The following MAGI2 variants were observed in gnomAD, a reference collection of about 807,000 sequenced individuals.
The protein encoded by MAGI2 is membrane-associated guanylate kinase, WW and PDZ domain-containing protein 2.
MAGI2 carries 35 observed loss-of-function variants against 133.3 expected under a neutral mutation model. The observed-to-expected ratio is 0.26, with a 90% CI of 0.20 to 0.35. The LOEUF (loss-of-function observed/expected upper bound fraction) is 0.35, where lower values mean the gene tolerates loss of function less well. Among genes scored for constraint, MAGI2 ranks in the 10% least tolerant of loss-of-function variants. The pLI, the probability that MAGI2 is intolerant of heterozygous loss-of-function variation, is 1.00. For synonymous variants in MAGI2, 729 were observed against 710.6 expected, an observed-to-expected ratio of 1.03 and a Z score of -0.41; for missense variants, 1,636 against 1,863.4, an observed-to-expected ratio of 0.88 and a Z score of 2.25.
chr7:78,091,765 A>G (rs1817236437), intron 20 of MAGI2, among the ~76,000 whole-genome samples: 1 of 152,194 alleles, frequency 6.6e-6, no homozygotes, highest in African/African-American at 2.4e-5. Flanking sequence ...CAATAGTAGG[A>G]TTTTACTTGG....
intron 1 of MAGI2, among the ~76,000 whole-genome samples, chr7:79,267,466 A>G (rs1481642763): frequency 1.3e-5 from 2 of 152,188 alleles, no homozygotes; most frequent in Non-Finnish European, 2.9e-5. Context: ...GCTGACTAGA[A>G]AGAGAGGTAG....
intron 1 of MAGI2, among the ~76,000 whole-genome samples, chr7:79,272,579 G>A (rs914718897): frequency 6.6e-6 from 1 of 151,944 alleles, no homozygotes. Flanking sequence ...TAATAATATT[G>A]TTTTCAAAGC....
At chr7:78,099,164 T>C (rs1817980102) in intron 20 of MAGI2, among the ~76,000 whole-genome samples, 1 of 152,186 alleles carries the variant, frequency 6.6e-6, no homozygotes, top group East Asian at 1.9e-4. Context: ...ACTCAAATAT[T>C]TTAATTGTAA....
intron 6 of MAGI2, among the ~76,000 whole-genome samples, chr7:78,409,339 C>T (rs1179099358): frequency 6.6e-6 from 1 of 152,060 alleles, no homozygotes; most frequent in Admixed American, 6.6e-5. Context: ...AGAAATCACT[C>T]TCGTTTTATA....
chr7:78,303,287 G>C (rs968484299), intron 9 of MAGI2, among the ~76,000 whole-genome samples: 1 of 148,152 alleles, frequency 6.7e-6, no homozygotes, highest in South Asian at 2.2e-4. Context: ...GTTGAGACAG[G>C]AGAATCTCTC....
At chr7:78,670,575 A>G (rs1200366220) in intron 2 of MAGI2, among the ~76,000 whole-genome samples, 1 of 152,194 alleles carries the variant, frequency 6.6e-6, no homozygotes. Context: ...ACATTACTTT[A>G]AAGTTCATAT....
intron 1 of MAGI2, among the ~76,000 whole-genome samples, chr7:79,026,840 C>T (rs1384954711): frequency 1.3e-5 from 2 of 149,420 alleles, no homozygotes; most frequent in Non-Finnish European, 3.0e-5. Context: ...GCAATCCAGC[C>T]TGGGAGACAG....
chr7:78,451,416 C>G (rs1268348423), intron 6 of MAGI2, among the ~76,000 whole-genome samples: 1 of 152,074 alleles, frequency 6.6e-6, no homozygotes, highest in African/African-American at 2.4e-5. Context: ...CAGTGTCAGT[C>G]TCCAAAGGGG....
At chr7:78,757,336 T>C (rs939688681) in intron 2 of MAGI2, among the ~76,000 whole-genome samples, 2 of 149,900 alleles carry the variant, frequency 1.3e-5, no homozygotes, top group Non-Finnish European at 3.0e-5. Flanking sequence ...TCCATAATCA[T>C]CAATTTCCTC....
intron 9 of MAGI2, among the ~76,000 whole-genome samples, chr7:78,292,864 G>C (rs984044815): frequency 6.6e-6 from 1 of 152,190 alleles, no homozygotes; most frequent in Non-Finnish European, 1.5e-5. Flanking sequence ...ATGGTGCTGG[G>C]AAAACTGGCT....
At position 78,177,955 on chromosome 7, in the gene MAGI2, G is replaced by A. The variant is rs981987256; in HGVS notation, c.2403+56C>T. On this transcript the variant is annotated intron_variant, in intron 14 of 21. Coordinates refer to ENST00000354212, the MANE Select transcript of MAGI2 (RefSeq NM_012301.4). Reference sequence around the variant, plus strand: ...TATCACACTAAACACTATTTTCCCTGGTGTTTACTCATACAATACAGCCCC... The same window carrying A: ...TATCACACTAAACACTATTTTCCCTAGTGTTTACTCATACAATACAGCCCC... 5.1e-6 allele frequency: 6 copies of A among 1,182,864 alleles called. No homozygotes were observed. In the African/African-American group the frequency reaches 7.6e-5, roughly 15 times the overall value. The allele number at this position is 1,182,864 out of a possible 1,614,324, so 73.3% of individuals were successfully genotyped here.
intron 4 of MAGI2, 56 bp downstream of exon 4, chr7:78,521,374 T>C: frequency 7.9e-7 from 1 of 1,266,292 alleles, no homozygotes; most frequent in South Asian, 1.2e-5. Flanking sequence ...TGTACATATA[T>C]ATCTTAGATC....
At position 79,168,885 on chromosome 7, in the gene MAGI2, GATAGATATAT is replaced by G. The variant is rs1177061401; in HGVS notation, c.302-161689_302-161680del. ...TGTCTGCCAGGTTTTTCTTTCTAAA[GATAGATATAT>G]ATATATATATATATATATATATATA... On this transcript the variant is annotated intron_variant, in intron 1 of 21. Transcript: ENST00000354212. Among the ~76,000 whole-genome samples the G allele has an allele frequency of 1.2e-3, 168 of 138,826 alleles. 4 individuals are homozygous for G. Among genetic ancestry groups the G allele is most frequent in the African/African-American group, 4.7e-3 (161 of 34,450 alleles). 91.1% of individuals were successfully genotyped at this position (138,826 alleles called of 152,430 possible).
intron 1 of MAGI2, among the ~76,000 whole-genome samples, chr7:79,152,833 C>T (rs756602477): frequency 6.6e-5 from 10 of 152,162 alleles, no homozygotes; most frequent in Admixed American, 2.6e-4. Context: ...TTGTAGAGAA[C>T]TTTCATCTCT....
intron 2 of MAGI2, among the ~76,000 whole-genome samples, chr7:78,969,686 AC>A (rs1359139075): frequency 1.3e-5 from 2 of 152,012 alleles, no homozygotes; most frequent in Admixed American, 1.3e-4. Context: ...ACTTAACCCT[AC>A]ATTTGTGCAG....
intron 10 of MAGI2, among the ~76,000 whole-genome samples, chr7:78,245,245 T>A (rs376967401): frequency 6.6e-6 from 1 of 152,206 alleles, no homozygotes; most frequent in Non-Finnish European, 1.5e-5. Context: ...GAGATATAAA[T>A]GTAAAAAACA....
chr7:78,959,101 T>A (rs948417457), intron 2 of MAGI2, among the ~76,000 whole-genome samples: 10 of 152,146 alleles, frequency 6.6e-5, no homozygotes. Context: ...AATCCTCTTT[T>A]TTATTTTTTA....
chr7:79,341,019 A>G (rs770961854), intron 1 of MAGI2, among the ~76,000 whole-genome samples: 4 of 152,122 alleles, frequency 2.6e-5, no homozygotes, highest in Admixed American at 6.6e-5. Flanking sequence ...TTTATCAACT[A>G]TAGCCAGTGA....
At chr7:78,510,257 A>G (rs1795454955) in intron 4 of MAGI2, among the ~76,000 whole-genome samples, 1 of 152,180 alleles carries the variant, frequency 6.6e-6, no homozygotes, top group Admixed American at 6.5e-5. Context: ...TGTCCTTTAA[A>G]GTGGGAGGTT....
Sources: gnomAD v4.1 joint callset for allele counts (sites outside exome capture counted in the v4.1 genomes callset) on GRCh38, gnomAD v4.1.1 for gene constraint, MANE v1.5 for transcripts, NCBI Gene and HGNC (gene_info 2026-07-23, HGNC 2026-07-21) for gene names.